DCDC2C: variants seen among roughly 807,000 people sequenced by gnomAD.
DCDC2C encodes doublecortin domain containing 2C.
In DCDC2C, 44 loss-of-function variants were observed where a neutral mutation model predicts 45.0. The ratio of observed to expected loss-of-function variants is 0.98; its 90% CI spans 0.77 to 1.26. The LOEUF (loss-of-function observed/expected upper bound fraction) is 1.26, where lower values mean the gene tolerates loss of function less well. Ranked by LOEUF, DCDC2C falls within the 50% of genes most tolerant of loss-of-function variation. DCDC2C has a pLI of 0.00. For synonymous variants in DCDC2C, 187 were observed against 178.8 expected (o/e 1.05, Z -0.37); for missense variants, 447 against 468.9 (o/e 0.95, Z 0.43).
chr2:3,832,468 G>A (rs1311846311), intron 10 of DCDC2C, among the ~76,000 whole-genome samples: 1 of 152,234 alleles, frequency 6.6e-6, no homozygotes, highest in Non-Finnish European at 1.5e-5. Flanking sequence ...TTGTAGGAGA[G>A]TGTTGGGTGC....
At chr2:3,716,456 A>G (rs1419982852) in intron 2 of DCDC2C, among the ~76,000 whole-genome samples, 1 of 152,174 alleles carries the variant, frequency 6.6e-6, no homozygotes, top group Non-Finnish European at 1.5e-5. Context: ...CTGAGATGGG[A>G]CCATTGGATT....
chr2:3,783,215 A>G (rs142760574), intron 9 of DCDC2C, among the ~76,000 whole-genome samples: 2 of 152,286 alleles, frequency 1.3e-5, no homozygotes, highest in African/African-American at 4.8e-5. Flanking sequence ...GTATTCAATA[A>G]AGAGAGAGAG....
rs112165243 is a variant in DCDC2C, at chr2:3,733,650, C to G, written c.416+6571C>G. Among the ~76,000 whole-genome samples the G allele has an allele frequency of 9.7e-3, 1,473 of 152,318 alleles. 13 individuals are homozygous for G. Among genetic ancestry groups the G allele is most frequent in the Non-Finnish European group, 0.015 (1,004 of 68,030 alleles). ...CCTGCTGCACAGTTGTGCCTTCTTG[C>G]TGTGTCCTCACATGATGGACGGGGC... On this transcript the variant is annotated intron_variant, in intron 3 of 10. Transcript: ENST00000399143.
At chr2:3,706,709 C>T (rs1668073222) in intron 1 of DCDC2C, among the ~76,000 whole-genome samples, 1 of 152,208 alleles carries the variant, frequency 6.6e-6, no homozygotes, top group African/African-American at 2.4e-5. Context: ...GCCTTTTCCT[C>T]TCATCTCCCT....
chr2:3,815,736 G>T (rs1177042173), intron 10 of DCDC2C, among the ~76,000 whole-genome samples: 1 of 151,260 alleles, frequency 6.6e-6, no homozygotes, highest in South Asian at 2.1e-4. Context: ...CTCTGGCAGG[G>T]GCAGGGGTCA....
Position 3,762,593 on chromosome 2 carries a change from G to C in DCDC2C, c.727-5161G>C, listed in dbSNP as rs150574132. On this transcript the variant is annotated intron_variant, in intron 6 of 10. Transcript: ENST00000399143. ...AACACAGGAGCAAGAGAGAGAGTCG[G>C]GGGGAGCAGGGGAGGTACCACACAC... is the stretch of plus-strand genomic sequence containing the variant. Among the ~76,000 whole-genome samples, 469 of 152,128 alleles carry C rather than the reference G, an allele frequency of 3.1e-3. 6 individuals carry two copies. Among genetic ancestry groups the C allele is most frequent in the African/African-American group, 0.01 (434 of 41,480 alleles).
chr2:3,730,748 A>C (rs1481279587), intron 3 of DCDC2C, among the ~76,000 whole-genome samples: 1 of 152,216 alleles, frequency 6.6e-6, no homozygotes, highest in East Asian at 1.9e-4. Flanking sequence ...GACTGCCCTC[A>C]GCAGTCCTTC....
At chr2:3,787,675 A>G (rs1161327154) in intron 10 of DCDC2C, among the ~76,000 whole-genome samples, 2 of 152,254 alleles carry the variant, frequency 1.3e-5, no homozygotes, top group African/African-American at 4.8e-5. Context: ...TTGGTTGTAG[A>G]CTTATTAGAA....
At chr2:3,713,662 C>T (rs12105425) in intron 2 of DCDC2C, among the ~76,000 whole-genome samples, 2,335 of 152,174 alleles carry the variant, frequency 0.015, 70 homozygotes, top group African/African-American at 0.054. Flanking sequence ...TTTTAAATTA[C>T]GAAATGTTGG....
chr2:3,740,269 A>G (rs941867871), intron 3 of DCDC2C, among the ~76,000 whole-genome samples: 5 of 152,258 alleles, frequency 3.3e-5, no homozygotes, highest in Admixed American at 6.5e-5. Flanking sequence ...ACATAATTCT[A>G]TGAGAAATAT....
chr2:3,718,849 C>T (rs1668418037), intron 2 of DCDC2C, among the ~76,000 whole-genome samples: 1 of 152,192 alleles, frequency 6.6e-6, no homozygotes, highest in Non-Finnish European at 1.5e-5. Context: ...TTTTATAATC[C>T]TCTTGCTAGC....
At chr2:3,796,906 C>T (rs1207870342) in intron 10 of DCDC2C, among the ~76,000 whole-genome samples, 1 of 152,166 alleles carries the variant, frequency 6.6e-6, no homozygotes, top group African/African-American at 2.4e-5. Context: ...GGAGGATTCC[C>T]TCTTTTTCTA....
intron 2 of DCDC2C, among the ~76,000 whole-genome samples, chr2:3,726,385 A>G (rs1558565546): frequency 6.6e-6 from 1 of 152,086 alleles, no homozygotes; most frequent in Non-Finnish European, 1.5e-5. Flanking sequence ...TGAGGATGAC[A>G]GGCTTTGCTT....
chr2:3,776,902 A>T (rs1473432738), intron 8 of DCDC2C, among the ~76,000 whole-genome samples: 2 of 152,170 alleles, frequency 1.3e-5, no homozygotes, highest in Non-Finnish European at 2.9e-5. Context: ...AGAGAAACTG[A>T]AGAGGTATTC....
chr2:3,847,955 C>T lies in DCDC2C; in HGVS notation c.*772C>T, dbSNP rs1328763683. Among the ~76,000 whole-genome samples the T allele has an allele frequency of 2.6e-5, 4 of 152,192 alleles. No homozygotes were observed. Among genetic ancestry groups the T allele is most frequent in the African/African-American group, 7.2e-5 (3 of 41,434 alleles). ...TCCTGAGGCCTCCCAAGCCATGCCTCCTATACAGCCTGCAGAACTGTGAGC... is the reference window on the plus strand; with the variant it reads ...TCCTGAGGCCTCCCAAGCCATGCCTTCTATACAGCCTGCAGAACTGTGAGC... On this transcript the variant is annotated 3_prime_UTR_variant, in exon 11 of 11. Transcript: ENST00000399143.
chr2:3,717,992 C>T (rs1156454357), intron 2 of DCDC2C, among the ~76,000 whole-genome samples: 1 of 152,212 alleles, frequency 6.6e-6, no homozygotes, highest in Non-Finnish European at 1.5e-5. Context: ...GCTTCCATGG[C>T]ACCCATGCTG....
At chr2:3,780,268 T>C (rs56164250) in intron 9 of DCDC2C, among the ~76,000 whole-genome samples, 19,144 of 152,018 alleles carry the variant, frequency 0.13, 1,353 homozygotes, top group East Asian at 0.29. Context: ...GAGAGGGTGC[T>C]CTTATGTGAA....
rs916460565 is a variant in DCDC2C at position 3,704,022 on chromosome 2, C to T, written c.271C>T (p.Arg91Cys). The change falls in exon 1 of 11, where the codon CGC (arginine) becomes TGC (cysteine). Residue 91 changes from arginine to cysteine, a missense_variant. Transcript: ENST00000399143. Reference protein sequence around the residue: ...GGKYVAAGRERFKELDYIHIV... With the variant: ...GGKYVAAGRECFKELDYIHIV... The stretch of plus-strand genomic sequence containing the variant: ...CAAGTACGTGGCGGCGGGCCGCGAG[C>T]GCTTCAAGGAGCTCGAGTAAGTGCG... 2.4e-6 allele frequency: 3 copies of T among 1,275,394 alleles called. No individual in the cohort carries two copies. Among genetic ancestry groups the T allele is most frequent in the African/African-American group, 1.6e-5 (1 of 64,472 alleles). 79.0% of individuals were successfully genotyped at this position (1,275,394 alleles called of 1,614,324 possible). A position where few individuals can be genotyped will look rare whatever the true frequency, so the allele number is the denominator to read the frequency against.
intron 2 of DCDC2C, among the ~76,000 whole-genome samples, 168 bp from the exon 3 acceptor site, chr2:3,726,835 C>G (rs1333130862): frequency 1.3e-5 from 2 of 152,122 alleles, no homozygotes; most frequent in Admixed American, 6.5e-5. Flanking sequence ...CCCCCAGCAC[C>G]TGGTCTGCCT....
Sources: gnomAD v4.1 joint callset for allele counts (sites outside exome capture counted in the v4.1 genomes callset) on GRCh38, gnomAD v4.1.1 for gene constraint, MANE v1.5 for transcripts, NCBI Gene and HGNC (gene_info 2026-07-23, HGNC 2026-07-21) for gene names.